COQ10A: variants seen among roughly 807,000 people sequenced by gnomAD.
COQ10A encodes the protein coenzyme Q10A, also known as coenzyme Q-binding protein COQ10 homolog A, mitochondrial.
COQ10A carries 25 observed loss-of-function variants against 26.1 expected under a neutral mutation model. That is an observed-to-expected ratio of 0.96 (90% CI 0.70 to 1.34). The LOEUF (loss-of-function observed/expected upper bound fraction) is 1.34, where lower values mean the gene tolerates loss of function less well. Among genes scored for constraint, COQ10A ranks in the 40% most tolerant of loss-of-function variants. The pLI, the probability that COQ10A is intolerant of heterozygous loss-of-function variation, is 0.00. For synonymous variants in COQ10A, 132 were observed against 124.0 expected, an observed-to-expected ratio of 1.06 and a Z score of -0.43; for missense variants, 312 against 335.4, an observed-to-expected ratio of 0.93 and a Z score of 0.54.
intron 1 of COQ10A, chr12:56,267,476 G>A (rs775261185): frequency 1.9e-6 from 3 of 1,612,024 alleles, no homozygotes; most frequent in Admixed American, 1.7e-5. Flanking sequence ...GCGCCCTGGG[G>A]TCCCCGGGGA....
Position 56,267,085 on chromosome 12 carries a change from G to A in COQ10A, c.-34G>A. 2 of 1,266,222 alleles carry A rather than the reference G, an allele frequency of 1.6e-6. No individual in the cohort carries two copies. The highest frequency in any genetic ancestry group is 2.7e-5 in the South Asian group (1 of 37,554). The allele number at this position is 1,266,222 out of a possible 1,614,324, so 78.4% of individuals were successfully genotyped here. On this transcript the variant is annotated 5_prime_UTR_variant, in exon 1 of 5. Coordinates refer to ENST00000308197, the MANE Select transcript of COQ10A (RefSeq NM_144576.4). The stretch of plus-strand genomic sequence containing the variant: ...TTGGAGTGAGGAGGGCGCAGCCCGC[G>A]TCAGAACTTAGAGGGCCAGGCAGGG...
chr12:56,269,967 CAGTT>C (rs1287982333), intron 4 of COQ10A, 179 bp from the exon 5 acceptor site: 9 of 639,754 alleles, frequency 1.4e-5, no homozygotes, highest in Non-Finnish European at 2.5e-5. Flanking sequence ...TTTCCCAAGT[CAGTT>C]AGTCTGAGCT....
In COQ10A at chr12:56,270,728, G is replaced by A. The variant is rs1212442842; in HGVS notation, c.*411G>A. The A allele has an allele frequency of 6.5e-6, 1 of 154,590 alleles. No individual in the cohort carries two copies. Among genetic ancestry groups the A allele is most frequent in the Non-Finnish European group, 1.4e-5 (1 of 69,776 alleles). The allele number at this position is 154,590 out of a possible 1,614,324, so 9.6% of individuals were successfully genotyped here. On this transcript the variant is annotated 3_prime_UTR_variant, in exon 5 of 5. Transcript: ENST00000308197. Reference sequence around the variant, plus strand: ...CTGAGTGGTAAGTAACTTTTACCCTGCCTGAGATTCCTCAGGAGAAAAGGC... The same window carrying A: ...CTGAGTGGTAAGTAACTTTTACCCTACCTGAGATTCCTCAGGAGAAAAGGC...
chr12:56,269,683 A>G (rs1872451354), intron 4 of COQ10A, 122 bp downstream of exon 4: 2 of 783,388 alleles, frequency 2.6e-6, no homozygotes, highest in South Asian at 1.5e-5. Flanking sequence ...GCTGGAGTGC[A>G]ATGGCACGAT....
At chr12:56,269,588 G>T in intron 4 of COQ10A, 27 bp downstream of exon 4, 1 of 1,464,700 alleles carries the variant, frequency 6.8e-7, no homozygotes, top group Non-Finnish European at 9.6e-7. Flanking sequence ...TGTAGCAGAG[G>T]ACGAGGACTG....
Position 56,267,137 on chromosome 12 carries a change from C to A in COQ10A, c.19C>A (p.Arg7=). ...CGCGCGCATGGCCTGGGCGGGCTCG[C>A]GGCGGGTCCCAGCTGGGACGCGCGC... The part of the protein sequence containing the change: MAWAGS[R]RVPAGTRAAA... The change falls in exon 1 of 5, where the codon CGG becomes AGG. Residue 7 remains arginine, a synonymous_variant. Transcript: ENST00000308197. 3 of 1,303,330 alleles carry A rather than the reference C, an allele frequency of 2.3e-6. No individual in the cohort carries two copies. The highest frequency in any genetic ancestry group is 2.9e-6 in the Non-Finnish European group (3 of 1,031,686). 80.7% of individuals were successfully genotyped at this position (1,303,330 alleles called of 1,614,324 possible). A position where few individuals can be genotyped will look rare whatever the true frequency, so the allele number is the denominator to read the frequency against.
intron 2 of COQ10A, 146 bp downstream of exon 2, chr12:56,268,086 C>T (rs1223513754): frequency 1.5e-5 from 15 of 990,768 alleles, no homozygotes; most frequent in Non-Finnish European, 2.1e-5. Context: ...CTCAGTCCTC[C>T]CCTGCCACTC....
In COQ10A at chr12:56,267,084, C is replaced by G. The variant is rs778499922; in HGVS notation, c.-35C>G. ...TTTGGAGTGAGGAGGGCGCAGCCCG[C>G]GTCAGAACTTAGAGGGCCAGGCAGG... On this transcript the variant is annotated 5_prime_UTR_variant, in exon 1 of 5. Coordinates refer to ENST00000308197, the MANE Select transcript of COQ10A (RefSeq NM_144576.4). 3.6e-5 allele frequency: 46 copies of G among 1,265,048 alleles called. No individual in the cohort carries two copies. The highest frequency in any genetic ancestry group is 4.3e-5 in the Non-Finnish European group (43 of 1,007,804). 78.4% of individuals were successfully genotyped at this position (1,265,048 alleles called of 1,614,324 possible).
At chr12:56,269,786 C>G in intron 4 of COQ10A, 4 of 537,810 alleles carry the variant, frequency 7.4e-6, no homozygotes, top group Non-Finnish European at 1.3e-5. Flanking sequence ...TGCTACCAAG[C>G]CCGACTGATT....
chr12:56,267,555 C>T, intron 1 of COQ10A: 1 of 1,250,856 alleles, frequency 8.0e-7, no homozygotes, highest in Non-Finnish European at 1.2e-6. Context: ...ACTGGCGCTT[C>T]CCACACACCC....
Position 56,269,041 on chromosome 12 carries a change from TGA to T in COQ10A, c.282-17_282-16del, listed in dbSNP as rs1167693351. 4 of 1,609,794 alleles carry T rather than the reference TGA, an allele frequency of 2.5e-6. No homozygotes were observed. Among genetic ancestry groups the T allele is most frequent in the Non-Finnish European group, 3.4e-6 (4 of 1,177,088 alleles). Reference sequence around the variant, plus strand: ...ACCCAGCTGGCAGCTCCTTGGCCTGTGATTCTTCTTCTCCTAGGTACTCAATG... The same window carrying T: ...ACCCAGCTGGCAGCTCCTTGGCCTGTTTCTTCTTCTCCTAGGTACTCAATG... On this transcript the variant is annotated splice_polypyrimidine_tract_variant and intron_variant, in intron 2 of 4. Transcript: ENST00000308197.
At position 56,267,236 on chromosome 12, in the gene COQ10A, C is replaced by G; in HGVS notation, c.118C>G (p.Pro40Ala). ...QPAPPPGPLP[P>A]PRPMRFLTSC... ...GGCCCCGCCCCCAGGCCCTCTGCCACCGCCGCGACCAATGAGGTGAGAGGG... is the reference window on the plus strand; with the variant it reads ...GGCCCCGCCCCCAGGCCCTCTGCCAGCGCCGCGACCAATGAGGTGAGAGGG... The change falls in exon 1 of 5, where the codon CCG becomes GCG. Residue 40 changes from proline (P) to alanine (A), a missense_variant. By Grantham distance (27) the Pro-to-Ala change is conservative. Coordinates refer to ENST00000308197, the MANE Select transcript of COQ10A (RefSeq NM_144576.4). 6.8e-7 allele frequency: 1 copy of G among 1,479,474 alleles called. No homozygotes were observed. Among genetic ancestry groups the G allele is most frequent in the Non-Finnish European group, 9.0e-7 (1 of 1,115,802 alleles). 91.6% of individuals were successfully genotyped at this position (1,479,474 alleles called of 1,614,324 possible). A position where few individuals can be genotyped will look rare whatever the true frequency, so the allele number is the denominator to read the frequency against.
intron 1 of COQ10A, 66 bp downstream of exon 1, chr12:56,267,318 G>A: frequency 1.9e-6 from 3 of 1,606,292 alleles, no homozygotes; most frequent in Non-Finnish European, 2.6e-6. Context: ...CCGCGGTGGA[G>A]GGGTGCTATA....
In COQ10A at chr12:56,270,304, T is replaced by G; in HGVS notation, c.731T>G (p.Val244Gly). 3 of 1,613,842 alleles carry G rather than the reference T, an allele frequency of 1.9e-6. No homozygotes were observed. The highest frequency in any genetic ancestry group is 2.5e-6 in the Non-Finnish European group (3 of 1,179,758). Residue 244 changes from valine to glycine, a missense_variant, in exon 5 of 5, where the codon GTG (valine) becomes GGG (glycine). Physicochemically the swap from Val to Gly is moderately radical, Grantham distance 109. Transcript: ENST00000308197. ...CCCCGTGAACTGATGTTCCATGAGG[T>G]GCACCAGACTTGAGGCAAGGGATTG... ...AIPRELMFHE[V>G]HQT
In COQ10A at chr12:56,267,126, G is replaced by T. The variant is rs1872369904; in HGVS notation, c.8G>T (p.Trp3Leu). 3.1e-6 allele frequency: 4 copies of T among 1,299,826 alleles called. No individual in the cohort carries two copies. The Admixed American group carries it at 1.2e-4, about 40-fold the overall frequency. The allele number at this position is 1,299,826 out of a possible 1,614,324, so 80.5% of individuals were successfully genotyped here. Residue 3 changes from tryptophan (W) to leucine (L), a missense_variant, in exon 1 of 5, where the codon TGG (tryptophan) becomes TTG (leucine). Trp to Leu is a moderately conservative substitution (Grantham distance 61, BLOSUM62 -2). Coordinates refer to ENST00000308197, the MANE Select transcript of COQ10A (RefSeq NM_144576.4). MA[W>L]AGSRRVPAGT... is the part of the protein sequence containing the mutation. ...CCAGGCAGGGTCGCGCGCATGGCCT[G>T]GGCGGGCTCGCGGCGGGTCCCAGCT... is the stretch of plus-strand genomic sequence containing the variant.
In COQ10A at chr12:56,270,336, G is replaced by GACCTCCCTTCT. The variant is rs755621543; in HGVS notation, c.*23_*33dup. The GACCTCCCTTCT allele has an allele frequency of 1.2e-6, 2 of 1,608,478 alleles. No homozygotes were observed. The highest frequency in any genetic ancestry group is 1.7e-5 in the Admixed American group (1 of 59,758). ...GACTTGAGGCAAGGGATTGCTCCCTGACCTCCCTTCTACCCCACTTCCCTA... is the reference window on the plus strand; with the variant it reads ...GACTTGAGGCAAGGGATTGCTCCCTGACCTCCCTTCTACCTCCCTTCTACCCCACTTCCCTA... On this transcript the variant is annotated 3_prime_UTR_variant, in exon 5 of 5. Transcript: ENST00000308197.
At chr12:56,267,644 C>CAG in intron 1 of COQ10A, 150 bp from the exon 2 acceptor site, 2 of 1,253,696 alleles carry the variant, frequency 1.6e-6, no homozygotes, top group Non-Finnish European at 2.3e-6. Context: ...ACTCCCTGGC[C>CAG]AGAGAGAGCC....
chr12:56,267,320 G>C, intron 1 of COQ10A, 68 bp downstream of exon 1: 9 of 1,607,852 alleles, frequency 5.6e-6, no homozygotes, highest in Non-Finnish European at 5.1e-6. Context: ...GCGGTGGAGG[G>C]GTGCTATACT....
At chr12:56,267,751 T>C (rs1246697259) in intron 1 of COQ10A, 43 bp from the exon 2 acceptor site, 3 of 1,613,094 alleles carry the variant, frequency 1.9e-6, no homozygotes, top group Non-Finnish European at 1.7e-6. Flanking sequence ...GATAGAGGAT[T>C]ACGAAGAACT....
Sources: allele counts gnomAD v4.1 joint callset, GRCh38; gene constraint gnomAD v4.1.1; transcripts MANE v1.5; gene names NCBI Gene and HGNC (gene_info 2026-07-23, HGNC 2026-07-21).